ZNF362: variants seen among roughly 807,000 people sequenced by gnomAD.
ZNF362 encodes rotund homolog.
A neutral mutation model predicts 42.9 loss-of-function variants in ZNF362; 11 were observed. The observed-to-expected ratio is 0.26, with a 90% CI of 0.16 to 0.42. The LOEUF is 0.42. ZNF362 is among the 20% of genes least tolerant of loss of function. The pLI is 1.00. For missense variants in ZNF362, 362 were observed against 576.2 expected (o/e 0.63, Z 3.81); for synonymous variants, 255 against 257.3 (o/e 0.99, Z 0.09).
chr1:33,131,548 C>T, the ZNF362 span, among the ~76,000 whole-genome samples: 40 of 152,058 alleles, frequency 2.6e-4, no homozygotes, highest in Non-Finnish European at 5.7e-4. Context: ...AGATTGTAAA[C>T]GATTTCAATA....
chr1:33,194,443 G>A, the ZNF362 span, among the ~76,000 whole-genome samples: 1 of 150,744 alleles, frequency 6.6e-6, no homozygotes, highest in African/African-American at 2.4e-5. Flanking sequence ...AGGCTGAGGT[G>A]GGAGAATCAC....
At chr1:33,193,902 A>T in the ZNF362 span, among the ~76,000 whole-genome samples, 2 of 152,200 alleles carry the variant, frequency 1.3e-5, no homozygotes, top group African/African-American at 2.4e-5. Flanking sequence ...AGCCAACTGC[A>T]CTTGTGTGGC....
the ZNF362 span, among the ~76,000 whole-genome samples, chr1:33,152,819 C>G: frequency 6.6e-6 from 1 of 152,056 alleles, no homozygotes; most frequent in South Asian, 2.1e-4. Flanking sequence ...TGCCGGGACT[C>G]AAAATGACTG....
the ZNF362 span, among the ~76,000 whole-genome samples, chr1:33,233,659 C>T: frequency 6.6e-6 from 1 of 152,196 alleles, no homozygotes; most frequent in African/African-American, 2.4e-5. Flanking sequence ...CTGCCTCGGC[C>T]TCCCAAAGTG....
At chr1:33,274,146 A>G (rs552804424) in intron 2 of ZNF362, among the ~76,000 whole-genome samples, 22 of 152,236 alleles carry the variant, frequency 1.4e-4, no homozygotes, top group African/African-American at 5.1e-4. Context: ...ATCCTAAGGT[A>G]GGGTTTATTC....
the ZNF362 span, among the ~76,000 whole-genome samples, chr1:33,138,681 A>C: frequency 6.6e-6 from 1 of 152,116 alleles, no homozygotes; most frequent in Non-Finnish European, 1.5e-5. Context: ...TTATCCTCAA[A>C]ATGCTAGCAG....
chr1:33,300,401 T>C lies in ZNF362; in HGVS notation c.*1355T>C, dbSNP rs1165476545. On this transcript the variant is annotated 3_prime_UTR_variant, in exon 9 of 9. Coordinates refer to ENST00000539719, the MANE Select transcript of ZNF362 (RefSeq NM_152493.3). ...CGCATGTTACTCCCTGTAAATACGC[T>C]GTTATACATACTGTTAACACCCCTT... is the stretch of plus-strand genomic sequence containing the variant. 3 of 150,368 alleles carry C rather than the reference T, an allele frequency of 2.0e-5. No individual in the cohort carries two copies. The highest frequency in any genetic ancestry group is 6.7e-5 in the Admixed American group (1 of 14,934). 9.3% of individuals were successfully genotyped at this position (150,368 alleles called of 1,614,324 possible). A position where few individuals can be genotyped will look rare whatever the true frequency, so the allele number is the denominator to read the frequency against.
chr1:33,175,192 C>T, the ZNF362 span, among the ~76,000 whole-genome samples: 1 of 149,924 alleles, frequency 6.7e-6, no homozygotes, highest in African/African-American at 2.5e-5. Flanking sequence ...GTGTGTGCCA[C>T]GAATGCCCAG....
chr1:33,181,034 G>T, the ZNF362 span: 3 of 1,584,630 alleles, frequency 1.9e-6, no homozygotes, highest in African/African-American at 1.4e-5. This position sits in a 1 kb window ranked among gnomAD's most constrained non-coding sequence, Gnocchi z 6.5. Context: ...CCTGCAGCTC[G>T]TCGAAGGCGT....
chr1:33,297,511 C>CTTTTTTTT lies in ZNF362; in HGVS notation c.1147-1418_1147-1417insTTTTTTTT, dbSNP rs776504622. ...ATGATTTGGTGTATTTACATGATTC[C>CTTTTTTTT]TCTTTTTTTTTTTTTTTTTGAGACG... On this transcript the variant is annotated intron_variant, in intron 8 of 8. Transcript: ENST00000539719. Among the ~76,000 whole-genome samples the CTTTTTTTT allele has an allele frequency of 7.6e-4, 60 of 78,834 alleles. 7 individuals carry two copies. The highest frequency in any genetic ancestry group is 9.6e-4 in the East Asian group (3 of 3,120). The allele number at this position is 78,834 out of a possible 152,430, so 51.7% of individuals were successfully genotyped here. A position where few individuals can be genotyped will look rare whatever the true frequency, so the allele number is the denominator to read the frequency against.
chr1:33,281,979 C>G lies in ZNF362; in HGVS notation c.908+168C>G, dbSNP rs1050247226. 1 of 636,754 alleles carries G rather than the reference C, an allele frequency of 1.6e-6. No individual in the cohort carries two copies. Among genetic ancestry groups the G allele is most frequent in the Non-Finnish European group, 2.7e-6 (1 of 365,310 alleles). 39.4% of individuals were successfully genotyped at this position (636,754 alleles called of 1,614,324 possible). A position where few individuals can be genotyped will look rare whatever the true frequency, so the allele number is the denominator to read the frequency against. On this transcript the variant is annotated intron_variant, in intron 6 of 8. Coordinates refer to ENST00000539719, the MANE Select transcript of ZNF362 (RefSeq NM_152493.3). This position sits in a 1 kb window ranked among gnomAD's most constrained non-coding sequence, Gnocchi z 4.8. ...GGCCTCAGCTGTTGTTACTGCACCC[C>G]GTCCCCACTGTTTCTCATCTCTAGG...
chr1:33,297,192 C>T (rs549948917), intron 8 of ZNF362, among the ~76,000 whole-genome samples: 128 of 152,294 alleles, frequency 8.4e-4, no homozygotes, highest in South Asian at 1.9e-3. Flanking sequence ...CAGGAGCCCT[C>T]GCTTGGCTAG....
chr1:33,276,197 C>T, intron 3 of ZNF362, 34 bp downstream of exon 3: 1 of 1,610,604 alleles, frequency 6.2e-7, no homozygotes, highest in South Asian at 1.1e-5. Context: ...GCTGCCCTAC[C>T]CTCCTTGGCG....
the ZNF362 span, among the ~76,000 whole-genome samples, chr1:33,187,587 C>A: frequency 9.2e-5 from 14 of 152,190 alleles, no homozygotes; most frequent in Non-Finnish European, 1.2e-4. Flanking sequence ...TTTCTAGATG[C>A]CCCTCACCTG....
At chr1:33,185,998 T>A in the ZNF362 span, among the ~76,000 whole-genome samples, 1 of 152,206 alleles carries the variant, frequency 6.6e-6, no homozygotes, top group Non-Finnish European at 1.5e-5. Flanking sequence ...TATATTTTTG[T>A]AATCAGAAAA....
chr1:33,127,799 A>G, the ZNF362 span, among the ~76,000 whole-genome samples: 1 of 152,334 alleles, frequency 6.6e-6, no homozygotes, highest in South Asian at 2.1e-4. Context: ...CTCTAGGCCA[A>G]GGAGTTTTAC....
At chr1:33,257,739 G>T (rs953786726) in intron 1 of ZNF362, among the ~76,000 whole-genome samples, 1 of 152,184 alleles carries the variant, frequency 6.6e-6, no homozygotes. Context: ...CCCCTGGCAT[G>T]AGGAAATAAT....
Position 33,266,098 on chromosome 1 carries a change from A to G in ZNF362, c.-88-4389A>G, listed in dbSNP as rs977231480. Among the ~76,000 whole-genome samples, 1 of 152,116 alleles carries G rather than the reference A, an allele frequency of 6.6e-6. No individual in the cohort carries two copies. Among genetic ancestry groups the G allele is most frequent in the South Asian group, 2.1e-4 (1 of 4,832 alleles). ...AGTTCACCCTCCTGAGAATGCTGCC[A>G]CTACCCTCCCTTCCCTCCCAGCCTG... is the stretch of plus-strand genomic sequence containing the variant. On this transcript the variant is annotated intron_variant, in intron 1 of 8. Transcript: ENST00000539719. The surrounding 1 kb of genome is among the most constrained non-coding windows in gnomAD (Gnocchi z 4.3).
At chr1:33,153,804 A>T in the ZNF362 span, among the ~76,000 whole-genome samples, 3 of 152,234 alleles carry the variant, frequency 2.0e-5, no homozygotes, top group Non-Finnish European at 2.9e-5. Context: ...CTATTCTAGA[A>T]ACAGAACTGA....
Sources: allele counts gnomAD v4.1 joint callset (sites outside exome capture counted in the v4.1 genomes callset), GRCh38; gene constraint gnomAD v4.1.1; non-coding constraint Gnocchi (gnomAD v3.1); transcripts MANE v1.5; gene names NCBI Gene and HGNC (gene_info 2026-07-23, HGNC 2026-07-21).